Variants in PTCSC3 observed in about 807,000 individuals in gnomAD.
PTCSC3 encodes the protein papillary thyroid carcinoma susceptibility candidate 3 (non-protein coding).
At chr14:36,157,539 C>T (rs555724332) in intron 2 of PTCSC3, among the ~76,000 whole-genome samples, 6 of 152,162 alleles carry the variant, frequency 3.9e-5, no homozygotes, top group South Asian at 2.1e-4. Context: ...TTAGGTCCTA[C>T]GTTTACATCT....
intron 3 of PTCSC3, among the ~76,000 whole-genome samples, chr14:36,148,351 G>C (rs1881638751): frequency 6.6e-6 from 1 of 152,318 alleles, no homozygotes; most frequent in Middle Eastern, 3.4e-3. Context: ...CCAGGTGTGG[G>C]ATATAATGTC....
intron 2 of PTCSC3, among the ~76,000 whole-genome samples, chr14:36,159,720 T>A (rs544226073): frequency 3.3e-5 from 5 of 152,326 alleles, no homozygotes; most frequent in African/African-American, 1.2e-4. Context: ...GTATATTCTG[T>A]TGATTTGGGG....
intron 3 of PTCSC3, among the ~76,000 whole-genome samples, chr14:36,141,191 T>C (rs575414272): frequency 6.6e-6 from 1 of 152,304 alleles, no homozygotes; most frequent in African/African-American, 2.4e-5. Context: ...TTGTTTTTAT[T>C]CTTTGATATT....
chr14:36,162,032 C>A (rs1046601354), intron 2 of PTCSC3, among the ~76,000 whole-genome samples: 4 of 152,104 alleles, frequency 2.6e-5, no homozygotes, highest in Non-Finnish European at 5.9e-5. Flanking sequence ...CCTACTCACA[C>A]CTCAGTAATG....
chr14:36,139,467 C>T (rs934073477), intron 3 of PTCSC3, among the ~76,000 whole-genome samples: 7 of 152,064 alleles, frequency 4.6e-5, no homozygotes, highest in African/African-American at 1.4e-4. Context: ...CCATGTGTGT[C>T]TCATTATACT....
chr14:36,140,131 T>G (rs1342171147), intron 3 of PTCSC3, among the ~76,000 whole-genome samples: 1 of 152,246 alleles, frequency 6.6e-6, no homozygotes, highest in African/African-American at 2.4e-5. Context: ...GCAATATGCA[T>G]TTGTTTCCTC....
At chr14:36,147,646 C>T (rs908641716) in intron 3 of PTCSC3, among the ~76,000 whole-genome samples, 1 of 151,866 alleles carries the variant, frequency 6.6e-6, no homozygotes, top group Non-Finnish European at 1.5e-5. Flanking sequence ...TCGTCTGAAG[C>T]CTTCTTCTCT....
chr14:36,163,020 A>G (rs997185448), intron 1 of PTCSC3, among the ~76,000 whole-genome samples: 4 of 152,136 alleles, frequency 2.6e-5, no homozygotes, highest in African/African-American at 9.7e-5. Flanking sequence ...CTGCTTAAGA[A>G]CTGAAAAATA....
chr14:36,166,133 T>TCCACCTGTCTGTCCATCCAC (rs977069874), intron 1 of PTCSC3, among the ~76,000 whole-genome samples: 8 of 146,396 alleles, frequency 5.5e-5, no homozygotes, highest in Non-Finnish European at 1.2e-4. Context: ...TGTCCATCCG[T>TCCACCTGTCTGTCCATCCAC]CCACCTGTCT....
chr14:36,157,351 C>G (rs1881852513), intron 2 of PTCSC3, among the ~76,000 whole-genome samples: 1 of 152,030 alleles, frequency 6.6e-6, no homozygotes, highest in Non-Finnish European at 1.5e-5. Flanking sequence ...CTGTAGGTTG[C>G]CTGTTCACTC....
At chr14:36,153,988 C>T (rs1202350150) in intron 2 of PTCSC3, 5 of 151,674 alleles carry the variant, frequency 3.3e-5, no homozygotes, top group Non-Finnish European at 7.4e-5. Flanking sequence ...GTCACCTGAG[C>T]CTGGGAGGTC....
At chr14:36,142,818 C>G (rs1463706373) in intron 3 of PTCSC3, among the ~76,000 whole-genome samples, 1 of 126,576 alleles carries the variant, frequency 7.9e-6, no homozygotes, top group East Asian at 2.6e-4. Context: ...TCCCCCCACC[C>G]CACAACAGTC....
intron 3 of PTCSC3, among the ~76,000 whole-genome samples, chr14:36,136,548 T>C (rs989960472): frequency 2.6e-5 from 4 of 151,858 alleles, no homozygotes; most frequent in Non-Finnish European, 4.4e-5. Flanking sequence ...AGGGTTCAGG[T>C]GGGGATGGTT....
At chr14:36,163,721 A>G (rs1364370238) in intron 1 of PTCSC3, among the ~76,000 whole-genome samples, 1 of 152,236 alleles carries the variant, frequency 6.6e-6, no homozygotes, top group Non-Finnish European at 1.5e-5. Context: ...ATTCAAGGTC[A>G]AGAAATGTTT....
chr14:36,158,544 A>T (rs966105767), intron 2 of PTCSC3, among the ~76,000 whole-genome samples: 4 of 151,986 alleles, frequency 2.6e-5, no homozygotes, highest in African/African-American at 4.8e-5. Flanking sequence ...TGTTTATGTG[A>T]TGGATTATGT....
intron 3 of PTCSC3, among the ~76,000 whole-genome samples, chr14:36,149,191 G>T (rs1453304556): frequency 1.3e-5 from 2 of 151,826 alleles, no homozygotes; most frequent in Non-Finnish European, 1.5e-5. Context: ...TTGATAAATT[G>T]TATTTTTATT....
intron 1 of PTCSC3, chr14:36,164,088 A>G (rs1882034759): frequency 6.6e-6 from 1 of 152,184 alleles, no homozygotes; most frequent in Non-Finnish European, 1.5e-5. Flanking sequence ...GTATAACACA[A>G]TCAAATTTTC....
intron 3 of PTCSC3, among the ~76,000 whole-genome samples, chr14:36,152,527 A>G (rs1335052101): frequency 6.6e-6 from 1 of 152,198 alleles, no homozygotes; most frequent in East Asian, 1.9e-4. Flanking sequence ...CACAATACAA[A>G]TAAGAACTTA....
At chr14:36,145,896 T>G (rs1301167117) in intron 3 of PTCSC3, among the ~76,000 whole-genome samples, 1 of 150,404 alleles carries the variant, frequency 6.6e-6, no homozygotes, top group Admixed American at 6.6e-5. Context: ...AACATCTTTA[T>G]TTCTGCCTTC....
Sources: allele counts gnomAD v4.1 joint callset (sites outside exome capture counted in the v4.1 genomes callset), GRCh38; gene constraint gnomAD v4.1.1; transcripts MANE v1.5; gene names NCBI Gene and HGNC (gene_info 2026-07-23, HGNC 2026-07-21).